Variants in EVC2 observed in about 807,000 individuals in gnomAD.
The protein encoded by EVC2 is limbin.
A neutral mutation model predicts 149.3 loss-of-function variants in EVC2; 148 were observed. The ratio of observed to expected loss-of-function variants is 0.99; its 90% CI spans 0.87 to 1.14. EVC2 has a LOEUF of 1.14. EVC2 is among the 50% of genes most tolerant of loss of function. The pLI is 0.00. For missense variants in EVC2, 1,854 were observed against 1,627.3 expected, an observed-to-expected ratio of 1.14 and a Z score of -2.40; for synonymous variants, 776 against 649.9, an observed-to-expected ratio of 1.19 and a Z score of -2.95.
chr4:5,600,790 T>TAGG (rs1367258662), intron 16 of EVC2, among the ~76,000 whole-genome samples: 4 of 152,208 alleles, frequency 2.6e-5, no homozygotes, highest in African/African-American at 9.6e-5. Context: ...AACATCTCAT[T>TAGG]AGGAAACAGG....
chr4:5,649,903 C>T (rs1041099709), intron 9 of EVC2, among the ~76,000 whole-genome samples: 3 of 152,078 alleles, frequency 2.0e-5, no homozygotes, highest in Non-Finnish European at 2.9e-5. Context: ...GAGAAAAATA[C>T]CTCCTGAGTA....
chr4:5,556,569 G>GA (rs149058330), intron 21 of EVC2, among the ~76,000 whole-genome samples: 381 of 151,602 alleles, frequency 2.5e-3, no homozygotes, highest in African/African-American at 7.6e-3. Flanking sequence ...AAAGCAATCA[G>GA]AAAAAAATGA....
At chr4:5,561,545 G>A (rs1721959553), downstream of EVC2, among the ~76,000 whole-genome samples, 1 of 152,166 alleles carries the variant, frequency 6.6e-6, no homozygotes, top group Non-Finnish European at 1.5e-5. Flanking sequence ...TGCAACCCCA[G>A]CGAAGGTACT....
Position 5,640,372 on chromosome 4 carries a change from G to A in EVC2, c.1470+142C>T. The stretch of plus-strand genomic sequence containing the variant: ...TGGTTGGATGAATGAATGGAAGGAT[G>A]AATAGATGAATGAGTGGGTGGTTGG... On this transcript the variant is annotated intron_variant, in intron 10 of 21. Transcript: ENST00000344408. The surrounding 1 kb of genome is among the most constrained non-coding windows in gnomAD (Gnocchi z 4.6). The A allele has an allele frequency of 1.0e-6, 1 of 970,866 alleles. No individual in the cohort carries two copies. The highest frequency in any genetic ancestry group is 1.7e-6 in the Non-Finnish European group (1 of 603,696). The allele number at this position is 970,866 out of a possible 1,614,324, so 60.1% of individuals were successfully genotyped here. A position where few individuals can be genotyped will look rare whatever the true frequency, so the allele number is the denominator to read the frequency against.
chr4:5,532,677 G>A, the EVC2 span, among the ~76,000 whole-genome samples: 1 of 152,284 alleles, frequency 6.6e-6, no homozygotes, highest in African/African-American at 2.4e-5. Flanking sequence ...TGTGGCCACT[G>A]CTGCCTCTGC....
At position 5,640,451 on chromosome 4, in the gene EVC2, T is replaced by G. The variant is rs1190377301; in HGVS notation, c.1470+63A>C. On this transcript the variant is annotated intron_variant, in intron 10 of 21. Coordinates refer to ENST00000344408, the MANE Select transcript of EVC2 (RefSeq NM_147127.5). This position sits in a 1 kb window ranked among gnomAD's most constrained non-coding sequence, Gnocchi z 4.6. ...GCAAATGGACAGATGAGTGGGTAGA[T>G]GGATAAATGACAAATCCCTGAGAGA... The G allele has an allele frequency of 1.2e-6, 2 of 1,600,590 alleles. No homozygotes were observed. Among genetic ancestry groups the G allele is most frequent in the African/African-American group, 2.7e-5 (2 of 74,484 alleles).
At chr4:5,621,250 G>A (rs188530738) in intron 14 of EVC2, among the ~76,000 whole-genome samples, 45 of 152,318 alleles carry the variant, frequency 3.0e-4, no homozygotes, top group African/African-American at 9.6e-4. Flanking sequence ...TACAAGGGAG[G>A]AGGGAAATTG....
chr4:5,585,822 G>A (rs1712229916), intron 16 of EVC2, among the ~76,000 whole-genome samples: 1 of 151,574 alleles, frequency 6.6e-6, no homozygotes, highest in African/African-American at 2.4e-5. Flanking sequence ...TTTTATAAGT[G>A]GAGTCATACG....
chr4:5,612,454 T>G (rs537551233), intron 16 of EVC2, among the ~76,000 whole-genome samples: 75 of 152,356 alleles, frequency 4.9e-4, no homozygotes, highest in Admixed American at 1.2e-3. Flanking sequence ...ATGGGTCTGC[T>G]GGTTCAGGAT....
chr4:5,600,203 G>A (rs1713861569), intron 16 of EVC2, among the ~76,000 whole-genome samples: 2 of 152,122 alleles, frequency 1.3e-5, no homozygotes. Context: ...TTTTTCCAGT[G>A]AAAAGGAAAT....
At chr4:5,707,296 C>T (rs1252719793) in intron 1 of EVC2, among the ~76,000 whole-genome samples, 4 of 152,142 alleles carry the variant, frequency 2.6e-5, no homozygotes. Context: ...AGAAAGGGAG[C>T]AGGGTCTCTT....
intron 6 of EVC2, among the ~76,000 whole-genome samples, chr4:5,683,501 T>C (rs1318338943): frequency 6.6e-6 from 1 of 152,210 alleles, no homozygotes; most frequent in Admixed American, 6.5e-5. Flanking sequence ...TGAGCACCTA[T>C]TACGTGCAGG....
chr4:5,697,708 AT>A, intron 1 of EVC2, 61 bp from the exon 2 acceptor site: 2 of 1,478,042 alleles, frequency 1.4e-6, no homozygotes, highest in Non-Finnish European at 1.9e-6. Context: ...GTGATAATAA[AT>A]AATCTTTGTA....
Position 5,615,302 on chromosome 4 carries a change from C to T in EVC2, c.2829+120G>A, listed in dbSNP as rs111589183. On this transcript the variant is annotated intron_variant, in intron 16 of 21. Coordinates refer to ENST00000344408, the MANE Select transcript of EVC2 (RefSeq NM_147127.5). ...TTACCTTAGCACCTGAGTGAGTGAG[C>T]GGTTGGGTGGAGATGGATGGCACAG... 122 of 1,504,674 alleles carry T rather than the reference C, an allele frequency of 8.1e-5. 1 individual carries two copies. The East Asian group carries it at 2.2e-3, about 27-fold the overall frequency. 93.2% of individuals were successfully genotyped at this position (1,504,674 alleles called of 1,614,324 possible).
At chr4:5,665,703 C>T (rs1484299589) in intron 7 of EVC2, 54 bp from the exon 8 acceptor site, 1 of 1,600,378 alleles carries the variant, frequency 6.2e-7, no homozygotes, top group African/African-American at 1.3e-5. Context: ...GCATGTCTCC[C>T]AGGCCTCACA....
intron 3 of EVC2, among the ~76,000 whole-genome samples, chr4:5,693,156 C>A (rs1405064142): frequency 6.6e-6 from 1 of 152,120 alleles, no homozygotes; most frequent in Non-Finnish European, 1.5e-5. Flanking sequence ...GAAGGGACGA[C>A]TGAGTATGGA....
At chr4:5,549,856 T>A (rs781044794) in intron 21 of EVC2, among the ~76,000 whole-genome samples, 3 of 152,200 alleles carry the variant, frequency 2.0e-5, no homozygotes, top group Non-Finnish European at 2.9e-5. Flanking sequence ...TGGGAGGTAA[T>A]TGAATCATGG....
In EVC2 at chr4:5,625,764, T is replaced by C. The variant is rs1577175103; in HGVS notation, c.2031A>G (p.Arg677=). The C allele has an allele frequency of 6.2e-7, 1 of 1,614,188 alleles. No homozygotes were observed. Among genetic ancestry groups the C allele is most frequent in the Non-Finnish European group, 8.5e-7 (1 of 1,180,048 alleles). ...CCTTATATACCTTTTGTAGCAACTC[T>C]CGTCTTCTCTTAGTTATTAATTTTT... The part of the protein sequence containing the change: ...LHQKLITKRR[R]ELLQKHREQR... The change falls in exon 13 of 22, where the codon CGA becomes CGG. Residue 677 remains arginine (R), a synonymous_variant. Transcript: ENST00000344408. This position sits in a 1 kb window ranked among gnomAD's most constrained non-coding sequence, Gnocchi z 4.0.
chr4:5,647,382 G>C (rs1717795736), intron 9 of EVC2, among the ~76,000 whole-genome samples: 1 of 152,160 alleles, frequency 6.6e-6, no homozygotes, highest in Non-Finnish European at 1.5e-5. Context: ...TATTCTTTTT[G>C]ATGCTCGAAT....
Sources: gnomAD v4.1 joint callset for allele counts (sites outside exome capture counted in the v4.1 genomes callset) on GRCh38, gnomAD v4.1.1 for gene constraint, Gnocchi (gnomAD v3.1) non-coding constraint, MANE v1.5 for transcripts, NCBI Gene and HGNC (gene_info 2026-07-23, HGNC 2026-07-21) for gene names.